The following RTL4 variants were observed in gnomAD, a reference collection of about 807,000 sequenced individuals.
RTL4 encodes the protein retrotransposon Gag like 4, also known as retrotransposon Gag-like protein 4.
In RTL4, 4 loss-of-function variants were observed where a neutral mutation model predicts 5.3. The ratio of observed to expected loss-of-function variants is 0.75; its 90% CI spans 0.37 to 1.72. The LOEUF (loss-of-function observed/expected upper bound fraction) is 1.72, where lower values mean the gene tolerates loss of function less well. Among genes scored for constraint, RTL4 ranks in the 40% most tolerant of loss-of-function variants. The pLI is 0.04. For synonymous variants in RTL4, 98 were observed against 87.3 expected, an observed-to-expected ratio of 1.12 and a Z score of -0.68; for missense variants, 260 against 227.1, an observed-to-expected ratio of 1.14 and a Z score of -0.93.
the RTL4 span, among the ~76,000 whole-genome samples, chrX:112,385,684 T>C: frequency 1.8e-5 from 2 of 111,924 alleles, no homozygotes; most frequent in Non-Finnish European, 3.8e-5. Flanking sequence ...TCTTACCTAT[T>C]CTAGTTCTTG....
At chrX:112,433,234 T>C in the RTL4 span, among the ~76,000 whole-genome samples, 1 of 110,347 alleles carries the variant, frequency 9.1e-6, no homozygotes, top group African/African-American at 3.3e-5. Flanking sequence ...TGGTTCCATA[T>C]GAACTTTAAA....
At chrX:112,382,095 G>T in the RTL4 span, 1 of 1,207,211 alleles carries the variant, frequency 8.3e-7, no homozygotes, top group Non-Finnish European at 1.1e-6. Flanking sequence ...CAGGAACAGT[G>T]GTATCTGGAG....
chrX:112,102,346 T>C, the RTL4 span, among the ~76,000 whole-genome samples: 1 of 111,588 alleles, frequency 9.0e-6, no homozygotes, highest in African/African-American at 3.2e-5. Context: ...AGTAGATTTT[T>C]AAAAGAGAGA....
chrX:112,192,196 AT>A, the RTL4 span, among the ~76,000 whole-genome samples: 7 of 105,974 alleles, frequency 6.6e-5, no homozygotes, highest in Non-Finnish European at 1.3e-4. Context: ...AGATTATGTC[AT>A]CTTTAAGTAG....
the RTL4 span, among the ~76,000 whole-genome samples, chrX:112,401,070 G>A: frequency 1.8e-5 from 2 of 112,051 alleles, no homozygotes; most frequent in African/African-American, 6.5e-5. Context: ...ATTGTCTGAC[G>A]TCAAATATCT....
At chrX:112,370,471 TC>T in the RTL4 span, among the ~76,000 whole-genome samples, 1 of 111,977 alleles carries the variant, frequency 8.9e-6, no homozygotes, top group African/African-American at 3.2e-5. Flanking sequence ...GATTGTTAAT[TC>T]CAGCCAAATA....
chrX:112,324,005 A>G, the RTL4 span, among the ~76,000 whole-genome samples: 2 of 112,323 alleles, frequency 1.8e-5, no homozygotes, highest in African/African-American at 6.5e-5. Flanking sequence ...GTGTGTTCAC[A>G]AGGGTGTGCA....
At chrX:112,419,864 G>A in the RTL4 span, among the ~76,000 whole-genome samples, 1 of 108,783 alleles carries the variant, frequency 9.2e-6, no homozygotes, top group Non-Finnish European at 1.9e-5. Flanking sequence ...TTCTGGCAAA[G>A]GAAAATCATC....
At chrX:112,402,845 C>A in the RTL4 span, among the ~76,000 whole-genome samples, 2 of 111,279 alleles carry the variant, frequency 1.8e-5, no homozygotes, top group African/African-American at 6.5e-5. Context: ...TCTGAAGAAC[C>A]AGACAGCTTT....
chrX:112,351,654 T>C, the RTL4 span, among the ~76,000 whole-genome samples: 1 of 109,170 alleles, frequency 9.2e-6, no homozygotes. Context: ...TCTTTGTTGG[T>C]TTAAAGTCTG....
the RTL4 span, among the ~76,000 whole-genome samples, chrX:112,247,715 T>C: frequency 1.8e-5 from 2 of 112,480 alleles, no homozygotes; most frequent in Admixed American, 1.9e-4. Flanking sequence ...CTCATGTTCC[T>C]TCCACTATGC....
chrX:112,222,539 G>C, the RTL4 span, among the ~76,000 whole-genome samples: 6 of 109,952 alleles, frequency 5.5e-5, no homozygotes. Context: ...ACCAGCCTAG[G>C]CAACATAGTG....
the RTL4 span, among the ~76,000 whole-genome samples, chrX:112,416,192 G>A: frequency 9.0e-6 from 1 of 111,130 alleles, no homozygotes; most frequent in South Asian, 3.8e-4. Flanking sequence ...TGTCTCTTCT[G>A]GTCTTACACC....
At chrX:112,310,088 C>T in the RTL4 span, among the ~76,000 whole-genome samples, 2 of 104,166 alleles carry the variant, frequency 1.9e-5, no homozygotes, top group Non-Finnish European at 3.9e-5. Flanking sequence ...ATAGTCCATT[C>T]TATTAGATAC....
At chrX:112,278,321 A>G in the RTL4 span, among the ~76,000 whole-genome samples, 2 of 112,166 alleles carry the variant, frequency 1.8e-5, no homozygotes, top group Admixed American at 1.9e-4. Flanking sequence ...TGAACTTTAT[A>G]TGTTGGCAGT....
the RTL4 span, among the ~76,000 whole-genome samples, chrX:112,183,915 A>C: frequency 1.8e-5 from 2 of 111,737 alleles, no homozygotes; most frequent in African/African-American, 6.5e-5. Flanking sequence ...GCTATTGTGA[A>C]TATTGCAGCA....
At chrX:112,363,024 C>T in the RTL4 span, among the ~76,000 whole-genome samples, 1 of 111,050 alleles carries the variant, frequency 9.0e-6, no homozygotes, top group African/African-American at 3.3e-5. Context: ...TATTTCAATA[C>T]TCAGTTCCCC....
chrX:112,392,599 A>G, the RTL4 span, among the ~76,000 whole-genome samples: 1 of 111,046 alleles, frequency 9.0e-6, no homozygotes, highest in Non-Finnish European at 1.9e-5. Flanking sequence ...CCACATTTTC[A>G]TGGAGCAGCA....
chrX:112,113,460 C>G, the RTL4 span, among the ~76,000 whole-genome samples: 1 of 111,572 alleles, frequency 9.0e-6, no homozygotes, highest in Non-Finnish European at 1.9e-5. Context: ...CCCAGGATTC[C>G]TTGGATGGTA....
Sources: allele counts gnomAD v4.1 joint callset (sites outside exome capture counted in the v4.1 genomes callset), GRCh38; gene constraint gnomAD v4.1.1; transcripts MANE v1.5; gene names NCBI Gene and HGNC (gene_info 2026-07-23, HGNC 2026-07-21).